SRFBP1: variants seen among roughly 807,000 people sequenced by gnomAD.
SRFBP1 encodes serum response factor-binding protein 1.
SRFBP1 carries 47 observed loss-of-function variants against 45.5 expected under a neutral mutation model. The observed-to-expected ratio is 1.03, with a 90% CI of 0.82 to 1.32. The LOEUF is 1.32. Ranked by LOEUF, SRFBP1 falls within the 40% of genes most tolerant of loss-of-function variation. The pLI, the probability that SRFBP1 is intolerant of heterozygous loss-of-function variation, is 0.00. For synonymous variants in SRFBP1, 203 were observed against 166.3 expected, an observed-to-expected ratio of 1.22 and a Z score of -1.70; for missense variants, 621 against 484.6, an observed-to-expected ratio of 1.28 and a Z score of -2.64.
Position 122,027,053 on chromosome 5 carries a change from C to G in SRFBP1, c.1217C>G (p.Ala406Gly). The change falls in exon 8 of 8, where the codon GCA becomes GGA. Residue 406 changes from alanine (A) to glycine (G), a missense_variant. Coordinates refer to ENST00000339397, the MANE Select transcript of SRFBP1 (RefSeq NM_152546.3). ...CTGCCTCTTCATCCTTCATGGGAAG[C>G]AAGCAGAAGGCGAAAAGAACAGCAA... is the stretch of plus-strand genomic sequence containing the variant. ...LQLPLHPSWEASRRRKEQQSN... is the reference protein window; with the variant it reads ...LQLPLHPSWEGSRRRKEQQSN... 1.9e-6 allele frequency: 3 copies of G among 1,612,224 alleles called. No individual in the cohort carries two copies. The highest frequency in any genetic ancestry group is 2.5e-6 in the Non-Finnish European group (3 of 1,179,380).
At chr5:121,984,688 A>AT (rs1752478600) in intron 3 of SRFBP1, among the ~76,000 whole-genome samples, 1 of 151,844 alleles carries the variant, frequency 6.6e-6, no homozygotes, top group Non-Finnish European at 1.5e-5. Context: ...TAGTCTTTTA[A>AT]TGCATATAAA....
At position 122,070,535 on chromosome 5, in the gene SRFBP1, T is replaced by C. The variant is rs1399121024; in HGVS notation, n.312-4780T>C. The C allele has an allele frequency of 6.2e-7, 1 of 1,609,152 alleles. No homozygotes were observed. The highest frequency in any genetic ancestry group is 8.5e-7 in the Non-Finnish European group (1 of 1,176,522). ...CCAGGTTTTACATCTGTAATATCAA[T>C]CCACTGGCAGTCTATGTCTGCACCA... On this transcript the variant is annotated intron_variant and non_coding_transcript_variant, in intron 2 of 2. Coordinates refer to the SRFBP1 transcript ENST00000504881.
chr5:122,010,138 A>G (rs1753060966), intron 4 of SRFBP1, among the ~76,000 whole-genome samples: 1 of 152,142 alleles, frequency 6.6e-6, no homozygotes, highest in Non-Finnish European at 1.5e-5. Flanking sequence ...TTTCTCCAGC[A>G]TTCATTTCCT....
Position 122,027,109 on chromosome 5 carries a change from A to G in SRFBP1, c.1273A>G (p.Ile425Val), listed in dbSNP as rs1162261926. ...TATTGCTGTGTTTCAGGGGAAAAAA[A>G]TTACGTTTGATGATTGATTAGTGCC... ...SNIAVFQGKK[I>V]TFDD Residue 425 changes from isoleucine (I) to valine (V), a missense_variant, in exon 8 of 8, where the codon ATT becomes GTT. Physicochemically the swap from Ile to Val is conservative, Grantham distance 29. Transcript: ENST00000339397. 1.9e-6 allele frequency: 3 copies of G among 1,602,382 alleles called. No individual in the cohort carries two copies. Among genetic ancestry groups the G allele is most frequent in the Admixed American group, 3.5e-5 (2 of 57,244 alleles).
intron 4 of SRFBP1, among the ~76,000 whole-genome samples, chr5:122,001,350 A>T (rs1041902808): frequency 6.5e-4 from 98 of 150,540 alleles, no homozygotes; most frequent in African/African-American, 1.9e-3. Flanking sequence ...TAGATGATTT[A>T]GGGCCATGAT....
chr5:121,967,207 C>G (rs1752090252), intron 1 of SRFBP1, among the ~76,000 whole-genome samples: 1 of 152,098 alleles, frequency 6.6e-6, no homozygotes. Flanking sequence ...GAGTTTCCTC[C>G]ACATATTGTA....
intron 1 of SRFBP1, among the ~76,000 whole-genome samples, chr5:121,966,810 C>T (rs942823561): frequency 1.1e-4 from 16 of 149,806 alleles, no homozygotes; most frequent in African/African-American, 3.2e-4. Flanking sequence ...GACGGAGTCT[C>T]GCTCTGTCGC....
chr5:122,021,159 G>GT (rs1270403294), intron 6 of SRFBP1, among the ~76,000 whole-genome samples: 1 of 152,138 alleles, frequency 6.6e-6, no homozygotes, highest in Non-Finnish European at 1.5e-5. Flanking sequence ...AGAATATGGT[G>GT]TTTTTTCTTG....
At chr5:122,029,073 T>G (rs1167795560), downstream of SRFBP1, among the ~76,000 whole-genome samples, 2 of 152,090 alleles carry the variant, frequency 1.3e-5, no homozygotes, top group Non-Finnish European at 2.9e-5. Context: ...TGGAGTGATT[T>G]TCCCCCCAGG....
At chr5:122,014,826 A>G (rs906745324) in intron 4 of SRFBP1, among the ~76,000 whole-genome samples, 1 of 152,212 alleles carries the variant, frequency 6.6e-6, no homozygotes, top group African/African-American at 2.4e-5. Flanking sequence ...ACTTGTTATA[A>G]CTAAGATGGG....
At chr5:122,022,805 C>T (rs909333645) in intron 7 of SRFBP1, among the ~76,000 whole-genome samples, 2 of 152,146 alleles carry the variant, frequency 1.3e-5, no homozygotes, top group African/African-American at 4.8e-5. Context: ...CAGATTAATT[C>T]GTAACAAATC....
At chr5:122,070,350 A>G in intron 2 of SRFBP1, 2 of 637,214 alleles carry the variant, frequency 3.1e-6, no homozygotes, top group Admixed American at 2.9e-5. Flanking sequence ...AAAATAAGAC[A>G]GATTAGATTA....
intron 4 of SRFBP1, among the ~76,000 whole-genome samples, chr5:122,002,695 C>T (rs538932260): frequency 2.0e-5 from 3 of 151,638 alleles, no homozygotes; most frequent in Admixed American, 6.6e-5. Flanking sequence ...GAGAATATTG[C>T]GAATATTGAG....
chr5:122,031,459 C>T (rs577539143), downstream of SRFBP1, among the ~76,000 whole-genome samples: 13 of 152,190 alleles, frequency 8.5e-5, no homozygotes, highest in East Asian at 1.2e-3. Flanking sequence ...ACATTGAAAA[C>T]GCTATTTTAA....
intron 4 of SRFBP1, among the ~76,000 whole-genome samples, chr5:121,997,755 C>T (rs1416908766): frequency 6.6e-6 from 1 of 151,720 alleles, no homozygotes; most frequent in African/African-American, 2.4e-5. Flanking sequence ...AAAATTTTCG[C>T]AACCTACTCA....
intron 2 of SRFBP1, among the ~76,000 whole-genome samples, chr5:122,054,407 C>T (rs956106620): frequency 2.0e-5 from 3 of 152,216 alleles, no homozygotes; most frequent in Non-Finnish European, 4.4e-5. Context: ...TTGTGTTCCC[C>T]TGCTGACTTG....
At chr5:122,005,856 T>C (rs191229518) in intron 4 of SRFBP1, among the ~76,000 whole-genome samples, 12 of 152,294 alleles carry the variant, frequency 7.9e-5, no homozygotes, top group African/African-American at 2.9e-4. Context: ...TACGTGTATA[T>C]TCTTTAACAA....
chr5:122,050,585 G>A (rs372627462), intron 2 of SRFBP1, among the ~76,000 whole-genome samples: 1 of 152,016 alleles, frequency 6.6e-6, no homozygotes, highest in African/African-American at 2.4e-5. Context: ...TTGTATTTCT[G>A]TGGGGTCAGT....
intron 2 of SRFBP1, among the ~76,000 whole-genome samples, chr5:122,052,954 T>G (rs1754015578): frequency 1.3e-5 from 2 of 152,080 alleles, no homozygotes; most frequent in Admixed American, 6.5e-5. Context: ...GGGATTTGAT[T>G]GTGGTATAAG....
Sources: allele counts gnomAD v4.1 joint callset (sites outside exome capture counted in the v4.1 genomes callset), GRCh38; gene constraint gnomAD v4.1.1; transcripts MANE v1.5; gene names NCBI Gene and HGNC (gene_info 2026-07-23, HGNC 2026-07-21).